CPNE4: variants seen among roughly 807,000 people sequenced by gnomAD.
The protein encoded by CPNE4 is copine-4.
Under a neutral mutation model 67.9 loss-of-function variants are expected in CPNE4, and 25 were observed. That is an observed-to-expected ratio of 0.37 (90% CI 0.27 to 0.51). The LOEUF is 0.51. Ranked by LOEUF, CPNE4 falls within the 20% of genes least tolerant of loss-of-function variation. The pLI is 0.93. For missense variants in CPNE4, 464 were observed against 690.8 expected, an observed-to-expected ratio of 0.67 and a Z score of 3.68; for synonymous variants, 242 against 244.9, an observed-to-expected ratio of 0.99 and a Z score of 0.11.
chr3:131,725,089 C>A (rs1262026519), intron 2 of CPNE4, among the ~76,000 whole-genome samples: 1 of 152,160 alleles, frequency 6.6e-6, no homozygotes, highest in African/African-American at 2.4e-5. Flanking sequence ...CATTTGTTAG[C>A]ACAAACTATG....
chr3:131,973,842 C>CATTT (rs2072571829), intron 1 of CPNE4, among the ~76,000 whole-genome samples: 1 of 152,184 alleles, frequency 6.6e-6, no homozygotes, highest in African/African-American at 2.4e-5. Flanking sequence ...ACGTCAAAAG[C>CATTT]ATTTATCTTG....
intron 14 of CPNE4, among the ~76,000 whole-genome samples, chr3:131,546,826 G>T (rs1222866088): frequency 6.6e-6 from 1 of 152,158 alleles, no homozygotes; most frequent in African/African-American, 2.4e-5. Flanking sequence ...CCTTAGGGAT[G>T]CCTTGGATGC....
At chr3:131,828,392 G>A (rs1235813419) in intron 2 of CPNE4, among the ~76,000 whole-genome samples, 1 of 152,122 alleles carries the variant, frequency 6.6e-6, no homozygotes, top group Non-Finnish European at 1.5e-5. Flanking sequence ...CATACAGTAT[G>A]TACCTTTTAA....
chr3:131,801,044 T>G (rs2084080491), intron 2 of CPNE4, among the ~76,000 whole-genome samples: 1 of 151,994 alleles, frequency 6.6e-6, no homozygotes, highest in Admixed American at 6.6e-5. Context: ...AAAATACAAG[T>G]AGGGACTTAT....
At chr3:131,843,179 CTA>C (rs988128970) in intron 2 of CPNE4, among the ~76,000 whole-genome samples, 1 of 152,208 alleles carries the variant, frequency 6.6e-6, no homozygotes, top group Non-Finnish European at 1.5e-5. Context: ...CCTATTACTC[CTA>C]TCTCTATACA....
intron 2 of CPNE4, among the ~76,000 whole-genome samples, chr3:131,740,162 G>A (rs1255351657): frequency 1.3e-5 from 2 of 152,136 alleles, no homozygotes; most frequent in Non-Finnish European, 2.9e-5. Flanking sequence ...CCTTCAGATG[G>A]AGCTGGCCTG....
chr3:131,916,924 T>C (rs1031424777), intron 1 of CPNE4, among the ~76,000 whole-genome samples: 2 of 152,184 alleles, frequency 1.3e-5, no homozygotes, highest in African/African-American at 4.8e-5. Context: ...ATAAGATAAG[T>C]CTGTCATTGC....
chr3:131,696,414 C>A (rs1012227428), intron 5 of CPNE4, 128 bp downstream of exon 5: 2 of 768,336 alleles, frequency 2.6e-6, no homozygotes, highest in Admixed American at 2.3e-5. Context: ...CTTTGTAGAC[C>A]TCTCTGAATT....
intron 12 of CPNE4, 51 bp downstream of exon 12, chr3:131,555,446 T>C: frequency 6.5e-7 from 1 of 1,543,604 alleles, no homozygotes; most frequent in Non-Finnish European, 8.9e-7. Context: ...AGAGCCAAGT[T>C]ATCCTTTGAC....
At chr3:131,642,429 T>C (rs2079563098) in intron 7 of CPNE4, among the ~76,000 whole-genome samples, 3 of 152,178 alleles carry the variant, frequency 2.0e-5, no homozygotes, top group African/African-American at 7.2e-5. Flanking sequence ...AAGTAAAACC[T>C]TGGACCTTGA....
chr3:131,881,971 A>G (rs770894815), intron 2 of CPNE4, among the ~76,000 whole-genome samples: 18 of 152,214 alleles, frequency 1.2e-4, no homozygotes, highest in South Asian at 2.1e-4. Flanking sequence ...TACTAAGAAT[A>G]CCAGAGTGCT....
At chr3:132,020,694 A>C (rs1031716841) in intron 1 of CPNE4, among the ~76,000 whole-genome samples, 7 of 152,026 alleles carry the variant, frequency 4.6e-5, no homozygotes, top group African/African-American at 1.7e-4. Flanking sequence ...TAGCTCTCCA[A>C]CTCCCTAAAG....
chr3:131,980,882 T>A lies in CPNE4; in HGVS notation c.-2+53685A>T, dbSNP rs184767152. 1.8e-3 allele frequency among the ~76,000 whole-genome samples: 277 copies of A among 152,274 alleles called. 4 individuals carry two copies. The Middle Eastern group carries it at 0.044, about 24-fold the overall frequency. The stretch of plus-strand genomic sequence containing the variant: ...CTTCAGATTCTTTTGTCCCACATGA[T>A]GTTCCCTTGTTGTAGTACTCTCCCC... On this transcript the variant is annotated intron_variant, in intron 1 of 15. Transcript: ENST00000429747.
intron 2 of CPNE4, among the ~76,000 whole-genome samples, chr3:131,820,477 G>T (rs2084922149): frequency 6.6e-6 from 1 of 152,234 alleles, no homozygotes. Context: ...CCTTGCAGGG[G>T]CTGCCAGTTA....
At chr3:131,891,150 ATGG>A (rs2088097029) in intron 2 of CPNE4, among the ~76,000 whole-genome samples, 1 of 152,052 alleles carries the variant, frequency 6.6e-6, no homozygotes, top group African/African-American at 2.4e-5. Context: ...TCTGAAGATG[ATGG>A]ATATATATAT....
chr3:131,934,112 A>G lies in CPNE4; in HGVS notation c.-1-28668T>C, dbSNP rs1305829986. On this transcript the variant is annotated intron_variant, in intron 1 of 15. Coordinates refer to ENST00000429747, the MANE Select transcript of CPNE4 (RefSeq NM_130808.3). Reference sequence around the variant, plus strand: ...AAAGGAAGAGATTTAGGGTACAGAGATGGAAATCAAGAGTTCTGTTTTGAT... The same window carrying G: ...AAAGGAAGAGATTTAGGGTACAGAGGTGGAAATCAAGAGTTCTGTTTTGAT... Among the ~76,000 whole-genome samples the G allele has an allele frequency of 2.0e-5, 3 of 152,202 alleles. No homozygotes were observed. The East Asian group carries it at 5.8e-4, about 29-fold the overall frequency.
chr3:131,980,605 A>T (rs889799646), intron 1 of CPNE4, among the ~76,000 whole-genome samples: 4 of 152,020 alleles, frequency 2.6e-5, no homozygotes, highest in African/African-American at 9.7e-5. Flanking sequence ...CACTTCTTGT[A>T]TCATTTTTTG....
At chr3:131,969,620 G>A (rs976458190) in intron 1 of CPNE4, among the ~76,000 whole-genome samples, 1 of 152,072 alleles carries the variant, frequency 6.6e-6, no homozygotes, top group African/African-American at 2.4e-5. Context: ...ACACAGTGGA[G>A]ACTCGGTAAC....
chr3:131,675,100 C>G (rs1320516344), intron 6 of CPNE4, among the ~76,000 whole-genome samples: 1 of 152,008 alleles, frequency 6.6e-6, no homozygotes, highest in African/African-American at 2.4e-5. Context: ...TGCTTGATTT[C>G]CATGTATTTG....
Sources: gnomAD v4.1 joint callset for allele counts (sites outside exome capture counted in the v4.1 genomes callset) on GRCh38, gnomAD v4.1.1 for gene constraint, MANE v1.5 for transcripts, NCBI Gene and HGNC (gene_info 2026-07-23, HGNC 2026-07-21) for gene names.